NR2C2: variants seen among roughly 807,000 people sequenced by gnomAD.
NR2C2 encodes nuclear receptor subfamily 2 group C member 2.
NR2C2 carries 6 observed loss-of-function variants against 62.9 expected under a neutral mutation model. That is an observed-to-expected ratio of 0.10 (90% confidence interval 0.05 to 0.19). NR2C2 has a LOEUF of 0.19. Ranked by LOEUF, NR2C2 falls within the 10% of genes least tolerant of loss-of-function variation. The probability of loss-of-function intolerance (pLI) is 1.00; values close to 1 mark genes in which losing one functional copy is unlikely to be tolerated. For missense variants in NR2C2, 479 were observed against 762.7 expected (o/e 0.63, Z 4.38); for synonymous variants, 272 against 273.8 (o/e 0.99, Z 0.07).
At chr3:15,041,091 A>G (rs899768094) in intron 13 of NR2C2, among the ~76,000 whole-genome samples, 1 of 152,252 alleles carries the variant, frequency 6.6e-6, no homozygotes, top group Non-Finnish European at 1.5e-5. Flanking sequence ...CTTGGAGCCC[A>G]AAATGATAAG....
chr3:14,991,070 GT>G (rs1483742700), intron 1 of NR2C2, among the ~76,000 whole-genome samples: 1 of 151,890 alleles, frequency 6.6e-6, no homozygotes, highest in Non-Finnish European at 1.5e-5. Flanking sequence ...TGGGATTTTT[GT>G]TTTTTTGTGA....
chr3:14,953,800 C>G (rs2039438932), intron 1 of NR2C2, among the ~76,000 whole-genome samples: 1 of 150,702 alleles, frequency 6.6e-6, no homozygotes, highest in Non-Finnish European at 1.5e-5. Flanking sequence ...GAGGCTGAGG[C>G]AGGAGAATCA....
chr3:14,950,927 T>C (rs1559522356), intron 1 of NR2C2, among the ~76,000 whole-genome samples: 1 of 152,366 alleles, frequency 6.6e-6, no homozygotes, highest in East Asian at 1.9e-4. Context: ...TGGTTGAATT[T>C]AGCAAGTGAT....
chr3:15,036,785 T>C (rs549376469), intron 11 of NR2C2, among the ~76,000 whole-genome samples: 1 of 152,382 alleles, frequency 6.6e-6, no homozygotes, highest in African/African-American at 2.4e-5. Flanking sequence ...TTTGTTTTTC[T>C]AGTTATTTCC....
intron 4 of NR2C2, among the ~76,000 whole-genome samples, 153 bp downstream of exon 4, chr3:15,016,407 G>A (rs549579203): frequency 7.2e-5 from 11 of 152,172 alleles, no homozygotes; most frequent in Non-Finnish European, 1.5e-4. Context: ...GGGTAATGAT[G>A]TAAATAAGTA....
At position 15,030,446 on chromosome 3, in the gene NR2C2, A is replaced by G. The variant is rs370308361; in HGVS notation, c.1104A>G (p.Thr368=). 2 of 1,584,178 alleles carry G rather than the reference A, an allele frequency of 1.3e-6. No individual in the cohort carries two copies. The highest frequency in any genetic ancestry group is 2.7e-5 in the African/African-American group (2 of 73,414). Residue 368 remains threonine (T), a synonymous_variant, in exon 9 of 14, where the codon ACA becomes ACG. Transcript: ENST00000425241. The part of the protein sequence containing the change: ...EGPLLSDTHV[T]FKLTMPSPMP... ...CCCTCCTTTCAGACACACACGTCAC[A>G]TTTAAGGTGAGTGAATTCAGCCTAA...
chr3:15,029,964 A>G (rs549847748), intron 8 of NR2C2, among the ~76,000 whole-genome samples: 1 of 152,252 alleles, frequency 6.6e-6, no homozygotes, highest in African/African-American at 2.4e-5. Context: ...GAAAAGAAAG[A>G]AATTGTCCAT....
At chr3:15,030,130 G>C in intron 8 of NR2C2, 145 bp from the exon 9 acceptor site, 1 of 715,038 alleles carries the variant, frequency 1.4e-6, no homozygotes, top group Non-Finnish European at 2.3e-6. Context: ...TTTGAGACCA[G>C]CCTGGCCAAC....
chr3:15,028,283 G>T (rs1467640144), intron 7 of NR2C2, among the ~76,000 whole-genome samples: 2 of 152,148 alleles, frequency 1.3e-5, no homozygotes, highest in African/African-American at 4.8e-5. Context: ...TCTGTGAGTT[G>T]TCCTTTTGTT....
Position 15,042,943 on chromosome 3 carries a change from A to C in NR2C2, c.1726A>C (p.Ile576Leu). ...LIGNVSIDSI[I>L]PYILKMETAE... Reference sequence around the variant, plus strand: ...TGGCAATGTTTCGATAGACAGCATAATCCCCTACATCCTCAAGATGGAGAC... The same window carrying C: ...TGGCAATGTTTCGATAGACAGCATACTCCCCTACATCCTCAAGATGGAGAC... The change falls in exon 14 of 14, where the codon ATC becomes CTC. Residue 576 changes from isoleucine to leucine, a missense_variant. Transcript: ENST00000425241. 1 of 1,614,232 alleles carries C rather than the reference A, an allele frequency of 6.2e-7. No homozygotes were observed. The highest frequency in any genetic ancestry group is 8.5e-7 in the Non-Finnish European group (1 of 1,180,038).
intron 1 of NR2C2, among the ~76,000 whole-genome samples, chr3:14,983,299 A>G (rs1289491847): frequency 6.6e-6 from 1 of 151,956 alleles, no homozygotes; most frequent in Non-Finnish European, 1.5e-5. Context: ...TATCTCCATG[A>G]GTTCGATTGT....
At chr3:15,039,355 A>G (rs1016448976) in intron 13 of NR2C2, 128 bp downstream of exon 13, 3 of 658,454 alleles carry the variant, frequency 4.6e-6, no homozygotes, top group Admixed American at 2.8e-5. Flanking sequence ...ATTGGATCAC[A>G]CTCTAATTCT....
At chr3:14,966,301 C>T (rs1574936615) in intron 1 of NR2C2, among the ~76,000 whole-genome samples, 1 of 152,208 alleles carries the variant, frequency 6.6e-6, no homozygotes, top group Middle Eastern at 3.4e-3. Flanking sequence ...ACGGGATAAG[C>T]CCGAGATAGG....
intron 2 of NR2C2, among the ~76,000 whole-genome samples, chr3:15,009,563 G>A (rs1016278979): frequency 6.6e-6 from 1 of 152,058 alleles, no homozygotes; most frequent in African/African-American, 2.4e-5. Flanking sequence ...GGCTATTGAG[G>A]GCCTTAAAAA....
At chr3:15,034,900 C>G (rs2042067125) in intron 11 of NR2C2, 91 bp downstream of exon 11, 11 of 1,326,168 alleles carry the variant, frequency 8.3e-6, no homozygotes, top group African/African-American at 1.5e-5. Context: ...AGGCTCATGT[C>G]AAAGACACCT....
At chr3:15,008,986 C>T (rs868114441) in intron 2 of NR2C2, among the ~76,000 whole-genome samples, 6 of 152,110 alleles carry the variant, frequency 3.9e-5, no homozygotes, top group Non-Finnish European at 8.8e-5. Flanking sequence ...TTTGGGAGGC[C>T]GAGGTGGACG....
chr3:14,951,498 T>C lies in NR2C2; in HGVS notation c.-40+3592T>C, dbSNP rs145388570. 4.8e-3 allele frequency among the ~76,000 whole-genome samples: 726 copies of C among 151,442 alleles called. 2 individuals carry two copies. Among genetic ancestry groups the C allele is most frequent in the African/African-American group, 0.017 (693 of 41,316 alleles). On this transcript the variant is annotated intron_variant, in intron 1 of 13. Transcript: ENST00000425241. ...AATAGTTTAACTGTTTATTTTTGGG[T>C]TTTTTTTTCTGTCTTGCTCAAAGAT...
chr3:14,989,474 G>A (rs1445079623), intron 1 of NR2C2, among the ~76,000 whole-genome samples: 2 of 152,082 alleles, frequency 1.3e-5, no homozygotes, highest in East Asian at 1.9e-4. Flanking sequence ...TTAAGTGAAA[G>A]AGGAACTTGT....
chr3:14,978,446 A>G (rs961159526), intron 1 of NR2C2, among the ~76,000 whole-genome samples: 7 of 152,252 alleles, frequency 4.6e-5, no homozygotes, highest in Admixed American at 2.6e-4. Context: ...CAGAATGGTC[A>G]TCTAGGTATT....
Sources: gnomAD v4.1 joint callset for allele counts (sites outside exome capture counted in the v4.1 genomes callset) on GRCh38, gnomAD v4.1.1 for gene constraint, MANE v1.5 for transcripts, NCBI Gene and HGNC (gene_info 2026-07-23, HGNC 2026-07-21) for gene names.